The following SLAIN1 variants were observed in gnomAD, a reference collection of about 807,000 sequenced individuals.
SLAIN1 encodes the protein SLAIN motif-containing protein 1.
A neutral mutation model predicts 55.4 loss-of-function variants in SLAIN1; 17 were observed. The observed-to-expected ratio is 0.31, with a 90% CI of 0.21 to 0.46. The LOEUF is 0.46. Ranked by LOEUF, SLAIN1 falls within the 20% of genes least tolerant of loss-of-function variation. The pLI, the probability that SLAIN1 is intolerant of heterozygous loss-of-function variation, is 1.00. For missense variants in SLAIN1, 682 were observed against 785.1 expected, an observed-to-expected ratio of 0.87 and a Z score of 1.57; for synonymous variants, 348 against 337.4, an observed-to-expected ratio of 1.03 and a Z score of -0.35.
chr13:77,702,971 T>G (rs1023981338), intron 1 of SLAIN1, among the ~76,000 whole-genome samples: 1 of 152,086 alleles, frequency 6.6e-6, no homozygotes, highest in Middle Eastern at 3.2e-3. Flanking sequence ...AGAAAGCAGG[T>G]GGAAAAGCAC....
At chr13:77,748,623 AAAGTGG>A (rs1488509080) in intron 4 of SLAIN1, among the ~76,000 whole-genome samples, 3 of 152,166 alleles carry the variant, frequency 2.0e-5, no homozygotes, top group African/African-American at 7.2e-5. Flanking sequence ...TCTTCACAGG[AAAGTGG>A]AGACATATCA....
chr13:77,719,535 A>C lies in SLAIN1; in HGVS notation c.630A>C (p.Leu210Phe), dbSNP rs1450248299. ...AWRDEDDYTW[L>F]YIGSSKTFTS... ...AATGTAGATTTCTTTTTTTAAGGTT[A>C]TACATTGGCTCTTCAAAGACGTTCA... is the stretch of plus-strand genomic sequence containing the variant. The change falls in exon 2 of 7, where the codon TTA (leucine) becomes TTC (phenylalanine). Residue 210 changes from leucine (L) to phenylalanine (F), a missense_variant. Leu to Phe is a conservative substitution (Grantham distance 22). Transcript: ENST00000418532. 5 of 1,611,332 alleles carry C rather than the reference A, an allele frequency of 3.1e-6. No homozygotes were observed. Among genetic ancestry groups the C allele is most frequent in the Non-Finnish European group, 3.4e-6 (4 of 1,178,468 alleles).
chr13:77,758,791 A>G (rs1015024225), intron 5 of SLAIN1, among the ~76,000 whole-genome samples: 2 of 152,008 alleles, frequency 1.3e-5, no homozygotes, highest in African/African-American at 4.8e-5. Context: ...CGATATGCCT[A>G]TTTTTATAGC....
chr13:77,743,245 G>GA, intron 2 of SLAIN1: 1 of 1,127,926 alleles, frequency 8.9e-7, no homozygotes, highest in Admixed American at 2.7e-5. Flanking sequence ...TCTTTCATTT[G>GA]AAAAGCTTGA....
In SLAIN1 at chr13:77,753,263, G is replaced by A. The variant is rs767574960; in HGVS notation, c.1319G>A (p.Ser440Asn). The change falls in exon 5 of 7, where the codon AGC becomes AAC. Residue 440 changes from serine to asparagine, a missense_variant. Transcript: ENST00000418532. ...ATGCCAAGTACAACTGCCATTAGTA[G>A]CAACATTAGTTCTCCGGTCACCGTG... The part of the protein sequence containing the change: ...ARMPSTTAIS[S>N]NISSPVTVRN... 2 of 1,613,058 alleles carry A rather than the reference G, an allele frequency of 1.2e-6. No homozygotes were observed. The highest frequency in any genetic ancestry group is 1.1e-5 in the South Asian group (1 of 90,938).
Position 77,706,451 on chromosome 13 carries a change from G to A in SLAIN1, c.626+7912G>A, listed in dbSNP as rs551405392. Among the ~76,000 whole-genome samples, 10 of 152,174 alleles carry A rather than the reference G, an allele frequency of 6.6e-5. No homozygotes were observed. The East Asian group carries it at 1.9e-3, about 29-fold the overall frequency. The stretch of plus-strand genomic sequence containing the variant: ...TTATTTCCCCAAACACGCTAAAGGA[G>A]CCATAAAATCCCTCATTAAGGTCAT... On this transcript the variant is annotated intron_variant, in intron 1 of 6. Transcript: ENST00000418532.
chr13:77,727,437 CA>C (rs34990709), intron 2 of SLAIN1, among the ~76,000 whole-genome samples: 25 of 84,068 alleles, frequency 3.0e-4, no homozygotes, highest in East Asian at 1.3e-3. Flanking sequence ...TTAAGTTGGG[CA>C]AAAAAAAAAA....
chr13:77,737,092 A>AT (rs34604920), intron 2 of SLAIN1, among the ~76,000 whole-genome samples: 59,555 of 150,326 alleles, frequency 0.4, 14,176 homozygotes, highest in Non-Finnish European at 0.54. Context: ...AGTTCAACTA[A>AT]TTTTTTTTTT....
At chr13:77,745,554 G>A (rs1873757542) in intron 3 of SLAIN1, among the ~76,000 whole-genome samples, 1 of 152,010 alleles carries the variant, frequency 6.6e-6, no homozygotes, top group Non-Finnish European at 1.5e-5. Flanking sequence ...TAGTTGAAGG[G>A]CATTAATGGT....
chr13:77,702,792 T>G (rs1472464779), intron 1 of SLAIN1, among the ~76,000 whole-genome samples: 1 of 152,206 alleles, frequency 6.6e-6, no homozygotes, highest in Non-Finnish European at 1.5e-5. Context: ...GACCAGCATT[T>G]TAAAAAAGTG....
chr13:77,738,200 A>G (rs553828628), intron 2 of SLAIN1, among the ~76,000 whole-genome samples: 1 of 147,750 alleles, frequency 6.8e-6, no homozygotes, highest in South Asian at 2.2e-4. Flanking sequence ...ACACACCCAC[A>G]CACACACACA....
At chr13:77,746,468 G>A (rs750792066) in intron 3 of SLAIN1, 46 bp from the exon 4 acceptor site, 4 of 1,473,028 alleles carry the variant, frequency 2.7e-6, no homozygotes, top group East Asian at 2.3e-5. Flanking sequence ...ATAACTAAAT[G>A]TTAGCTAGAT....
chr13:77,744,558 A>T, intron 3 of SLAIN1, 126 bp downstream of exon 3: 1 of 1,481,330 alleles, frequency 6.8e-7, no homozygotes, highest in Middle Eastern at 1.9e-4. Context: ...ATACTGTCCT[A>T]CTTTTTAGGT....
At chr13:77,721,797 A>G (rs1178514837) in intron 2 of SLAIN1, among the ~76,000 whole-genome samples, 1 of 148,224 alleles carries the variant, frequency 6.7e-6, no homozygotes, top group African/African-American at 2.5e-5. Context: ...AAATGTATAT[A>G]TTTTTCCCAA....
chr13:77,752,848 T>C (rs939827722), intron 4 of SLAIN1, among the ~76,000 whole-genome samples: 4 of 152,222 alleles, frequency 2.6e-5, no homozygotes, highest in Non-Finnish European at 5.9e-5. Flanking sequence ...TGCTGGCAGC[T>C]GATTAGATGG....
At chr13:77,716,134 T>TTTTTAA (rs2091204639) in intron 1 of SLAIN1, among the ~76,000 whole-genome samples, 1 of 151,992 alleles carries the variant, frequency 6.6e-6, no homozygotes. Flanking sequence ...TTTTTTTTTT[T>TTTTTAA]CTCACATATA....
chr13:77,750,918 A>G (rs530895906), intron 4 of SLAIN1, among the ~76,000 whole-genome samples: 59 of 152,268 alleles, frequency 3.9e-4, no homozygotes, highest in Admixed American at 5.9e-4. Context: ...CTCTCTTATT[A>G]TACATATTAT....
Position 77,760,936 on chromosome 13 carries a change from G to A in SLAIN1, c.1523G>A (p.Gly508Asp), listed in dbSNP as rs1387120242. The A allele has an allele frequency of 1.9e-6, 3 of 1,614,138 alleles. No individual in the cohort carries two copies. Among genetic ancestry groups the A allele is most frequent in the Admixed American group, 3.3e-5 (2 of 60,020 alleles). Residue 508 changes from glycine to aspartate, a missense_variant, in exon 6 of 7, where the codon GGC (glycine) becomes GAC (aspartate). Gly to Asp is a moderately conservative substitution (Grantham distance 94). Transcript: ENST00000418532. ...GCCTATGTGAGTCCAACCGTTCAAG[G>A]CAGCAGTAACATGCCTTTATCAAAC... ...ATAYVSPTVQ[G>D]SSNMPLSNGL...
intron 2 of SLAIN1, 96 bp from the exon 3 acceptor site, chr13:77,744,187 A>C (rs763249789): frequency 1.1e-6 from 1 of 924,620 alleles, no homozygotes; most frequent in Non-Finnish European, 1.8e-6. Flanking sequence ...ACATGAAAAC[A>C]TGAGACAAAT....
Sources: gnomAD v4.1 joint callset for allele counts (sites outside exome capture counted in the v4.1 genomes callset) on GRCh38, gnomAD v4.1.1 for gene constraint, MANE v1.5 for transcripts, NCBI Gene and HGNC (gene_info 2026-07-23, HGNC 2026-07-21) for gene names.